Variants in UGT8 observed in about 807,000 individuals in gnomAD.
The protein encoded by UGT8 is 2-hydroxyacylsphingosine 1-beta-galactosyltransferase.
UGT8 carries 12 observed loss-of-function variants against 40.5 expected under a neutral mutation model. The ratio of observed to expected loss-of-function variants is 0.30; its 90% CI spans 0.19 to 0.48. The LOEUF (loss-of-function observed/expected upper bound fraction) is 0.48. UGT8 is among the 20% of genes least tolerant of loss of function. The pLI, the probability that UGT8 is intolerant of heterozygous loss-of-function variation, is 0.99. For missense variants in UGT8, 513 were observed against 648.7 expected (o/e 0.79, Z 2.27); for synonymous variants, 224 against 240.4 (o/e 0.93, Z 0.63).
At position 114,601,035 on chromosome 4, in the gene UGT8, A is replaced by G. The variant is rs371914050; in HGVS notation, c.-3+2061A>G. Among the ~76,000 whole-genome samples the G allele has an allele frequency of 2.6e-5, 4 of 152,322 alleles. No individual in the cohort carries two copies. In the East Asian group the frequency reaches 7.7e-4, roughly 29 times the overall value. Reference sequence around the variant, plus strand: ...ATACTCTATTAGGAGGTTGGGCATAACTGAACAGAAACTATACTTCTGACT... The same window carrying G: ...ATACTCTATTAGGAGGTTGGGCATAGCTGAACAGAAACTATACTTCTGACT... On this transcript the variant is annotated intron_variant, in intron 1 of 5. Transcript: ENST00000310836.
intron 2 of UGT8, among the ~76,000 whole-genome samples, chr4:114,647,581 G>A (rs1733653244): frequency 6.6e-6 from 1 of 152,028 alleles, no homozygotes; most frequent in Non-Finnish European, 1.5e-5. Context: ...GGCCAGACTG[G>A]TCTCGAACTC....
At chr4:114,629,799 G>A (rs1732461489) in intron 2 of UGT8, among the ~76,000 whole-genome samples, 1 of 152,076 alleles carries the variant, frequency 6.6e-6, no homozygotes, top group Non-Finnish European at 1.5e-5. Flanking sequence ...TATATGAACG[G>A]AATCAAACAA....
chr4:114,672,698 A>G (rs920429444), intron 5 of UGT8, among the ~76,000 whole-genome samples: 1 of 152,042 alleles, frequency 6.6e-6, no homozygotes, highest in African/African-American at 2.4e-5. Context: ...AACTTAGCGG[A>G]TGGGTCAATA....
chr4:114,624,668 A>C (rs763357470), intron 2 of UGT8, among the ~76,000 whole-genome samples: 2 of 152,230 alleles, frequency 1.3e-5, no homozygotes, highest in Admixed American at 6.5e-5. Context: ...ATTTTCTCGT[A>C]TAGATGAGGA....
chr4:114,625,372 A>T (rs1401839489), intron 2 of UGT8, among the ~76,000 whole-genome samples: 1 of 151,960 alleles, frequency 6.6e-6, no homozygotes, highest in South Asian at 2.1e-4. Flanking sequence ...TTAGCTGGGT[A>T]TGGTGATGCA....
chr4:114,644,081 A>G (rs1251668537), intron 2 of UGT8, among the ~76,000 whole-genome samples: 1 of 152,194 alleles, frequency 6.6e-6, no homozygotes, highest in Non-Finnish European at 1.5e-5. Context: ...AATAATCTGC[A>G]AATAACACAG....
intron 2 of UGT8, among the ~76,000 whole-genome samples, chr4:114,646,240 C>G (rs1008729309): frequency 6.6e-6 from 1 of 151,808 alleles, no homozygotes; most frequent in South Asian, 2.1e-4. Flanking sequence ...AAAAGAACCC[C>G]GAATCAGATA....
At chr4:114,670,430 CAAAAA>C (rs70964319) in intron 5 of UGT8, among the ~76,000 whole-genome samples, 2 of 57,330 alleles carry the variant, frequency 3.5e-5, no homozygotes, top group Admixed American at 3.1e-4. Flanking sequence ...GACTCTGTCT[CAAAAA>C]AAAAAAAAAA....
At chr4:114,599,791 G>A (rs1190069988) in intron 1 of UGT8, among the ~76,000 whole-genome samples, 2 of 152,198 alleles carry the variant, frequency 1.3e-5, no homozygotes, top group African/African-American at 4.8e-5. Context: ...AGCCTGGTAT[G>A]TGTGTTTTGG....
intron 1 of UGT8, among the ~76,000 whole-genome samples, chr4:114,612,266 A>G (rs536143217): frequency 2.1e-4 from 32 of 152,284 alleles, no homozygotes; most frequent in African/African-American, 7.5e-4. Context: ...ATACTTTGCT[A>G]TGACATTGTA....
chr4:114,616,108 C>G (rs1283329467), intron 1 of UGT8, among the ~76,000 whole-genome samples: 1 of 152,150 alleles, frequency 6.6e-6, no homozygotes, highest in Non-Finnish European at 1.5e-5. Context: ...TCTGGGAGAA[C>G]CACTACTCTC....
rs749589905 is a variant in UGT8, at chr4:114,666,853, C to T, written c.1042+1097C>T. Among the ~76,000 whole-genome samples the T allele has an allele frequency of 1.2e-3, 176 of 151,976 alleles. 2 individuals are homozygous for T. The highest frequency in any genetic ancestry group is 2.2e-3 in the Non-Finnish European group (151 of 67,974). On this transcript the variant is annotated intron_variant, in intron 4 of 5. Transcript: ENST00000310836. ...ACTCTGACTTTTTCAAGATTAGTAT[C>T]TTTTTTAACAATAGGCACTATCCTT...
chr4:114,601,863 T>C (rs2126082119), intron 1 of UGT8, among the ~76,000 whole-genome samples: 1 of 152,168 alleles, frequency 6.6e-6, no homozygotes, highest in East Asian at 1.9e-4. Context: ...CTTTCTGTTA[T>C]TGGCTATCAC....
intron 2 of UGT8, among the ~76,000 whole-genome samples, chr4:114,662,966 G>A (rs1387084374): frequency 3.3e-5 from 5 of 151,360 alleles, no homozygotes; most frequent in South Asian, 2.1e-4. Context: ...ACAGGTGCCC[G>A]CCACCATGCC....
At chr4:114,666,646 C>T (rs1056292780) in intron 4 of UGT8, among the ~76,000 whole-genome samples, 1 of 152,130 alleles carries the variant, frequency 6.6e-6, no homozygotes, top group African/African-American at 2.4e-5. Context: ...TGACTATCAA[C>T]TATTTCAGTG....
chr4:114,674,888 A>G (rs530164953), intron 5 of UGT8, among the ~76,000 whole-genome samples: 35 of 152,340 alleles, frequency 2.3e-4, no homozygotes, highest in African/African-American at 8.4e-4. Flanking sequence ...AGGGGGATTT[A>G]GCCATTTGTC....
At chr4:114,640,228 C>T in intron 2 of UGT8, among the ~76,000 whole-genome samples, 1 of 151,920 alleles carries the variant, frequency 6.6e-6, no homozygotes, top group Admixed American at 6.5e-5. Context: ...GACGGGGTTT[C>T]ACCGTGTTAG....
rs991500700 is a variant in UGT8 at position 114,677,735 on chromosome 4, G to A, written c.*1447G>A. ...TGAGTGTATGCTTTATTTGTTTCTAGTTTGAAATCCCACATCTGATAGCTG... is the reference window on the plus strand; with the variant it reads ...TGAGTGTATGCTTTATTTGTTTCTAATTTGAAATCCCACATCTGATAGCTG... On this transcript the variant is annotated 3_prime_UTR_variant, in exon 6 of 6. Coordinates refer to ENST00000310836, the MANE Select transcript of UGT8 (RefSeq NM_001128174.3). The A allele has an allele frequency of 2.6e-5, 4 of 152,180 alleles. No homozygotes were observed. The highest frequency in any genetic ancestry group is 4.4e-5 in the Non-Finnish European group (3 of 68,032). 9.4% of individuals were successfully genotyped at this position (152,180 alleles called of 1,614,324 possible). A position where few individuals can be genotyped will look rare whatever the true frequency, so the allele number is the denominator to read the frequency against.
chr4:114,668,440 G>T (rs767466069), intron 5 of UGT8, 136 bp downstream of exon 5: 252 of 783,838 alleles, frequency 3.2e-4, no homozygotes, highest in Non-Finnish European at 4.6e-4. Flanking sequence ...ATAATGCTTT[G>T]TGCATGTTTT....
Sources: gnomAD v4.1 joint callset for allele counts (sites outside exome capture counted in the v4.1 genomes callset) on GRCh38, gnomAD v4.1.1 for gene constraint, MANE v1.5 for transcripts, NCBI Gene and HGNC (gene_info 2026-07-23, HGNC 2026-07-21) for gene names.